Variants in ZDHHC14 observed in about 807,000 individuals in gnomAD.
The protein encoded by ZDHHC14 is zDHHC palmitoyltransferase 14.
Under a neutral mutation model 47.7 loss-of-function variants are expected in ZDHHC14, and 16 were observed. The observed-to-expected ratio is 0.34, with a 90% CI of 0.23 to 0.51. The LOEUF (loss-of-function observed/expected upper bound fraction) is 0.51, where lower values mean the gene tolerates loss of function less well. ZDHHC14 is among the 20% of genes least tolerant of loss of function. ZDHHC14 has a pLI of 0.97. For missense variants in ZDHHC14, 515 were observed against 662.5 expected, an observed-to-expected ratio of 0.78 and a Z score of 2.44; for synonymous variants, 293 against 278.9, an observed-to-expected ratio of 1.05 and a Z score of -0.50.
chr6:157,414,939 C>T (rs1265102467), intron 1 of ZDHHC14, among the ~76,000 whole-genome samples: 1 of 148,692 alleles, frequency 6.7e-6, no homozygotes, highest in Non-Finnish European at 1.5e-5. Context: ...AGAACATTTG[C>T]TTGGATCTTC....
intron 3 of ZDHHC14, among the ~76,000 whole-genome samples, chr6:157,625,187 T>C (rs1402403136): frequency 6.6e-6 from 1 of 152,024 alleles, no homozygotes; most frequent in Non-Finnish European, 1.5e-5. Context: ...ATTCAGACCA[T>C]AGCAGATGAT....
chr6:157,672,641 C>CCGG, intron 8 of ZDHHC14, 83 bp from the exon 9 acceptor site: 3 of 503,004 alleles, frequency 6.0e-6, no homozygotes, highest in Non-Finnish European at 1.0e-5. Context: ...CCTCCCCGCC[C>CCGG]GTGCCCTGTC....
At chr6:157,525,068 A>T (rs549036676) in intron 1 of ZDHHC14, among the ~76,000 whole-genome samples, 1 of 152,152 alleles carries the variant, frequency 6.6e-6, no homozygotes, top group East Asian at 1.9e-4. Context: ...CCCGGGGAGG[A>T]TTCTCCTCTC....
In ZDHHC14 at chr6:157,498,253, A is replaced by G. The variant is rs111953208; in HGVS notation, c.246-44332A>G. On this transcript the variant is annotated intron_variant, in intron 1 of 8. Transcript: ENST00000359775. ...GGAGTTCGAGACCAGCCTGGACAAC[A>G]TAGTGAGACCACATCTCAAAAAAAA... Among the ~76,000 whole-genome samples, 273 of 145,186 alleles carry G rather than the reference A, an allele frequency of 1.9e-3. 1 individual carries two copies. The highest frequency in any genetic ancestry group is 6.6e-3 in the African/African-American group (252 of 37,952).
intron 1 of ZDHHC14, among the ~76,000 whole-genome samples, chr6:157,433,046 G>T (rs1035589005): frequency 1.3e-5 from 2 of 152,240 alleles, no homozygotes; most frequent in Non-Finnish European, 2.9e-5. Context: ...GCATCTCACC[G>T]CCCAAGAGCG....
At chr6:157,473,211 A>G (rs1779394743) in intron 1 of ZDHHC14, among the ~76,000 whole-genome samples, 1 of 152,220 alleles carries the variant, frequency 6.6e-6, no homozygotes, top group African/African-American at 2.4e-5. Context: ...TTAAGAATAC[A>G]GTATATTGTT....
chr6:157,469,109 C>A (rs768204505), intron 1 of ZDHHC14, among the ~76,000 whole-genome samples: 11 of 152,224 alleles, frequency 7.2e-5, no homozygotes, highest in Admixed American at 6.5e-5. Context: ...TAGCCTACTG[C>A]AGCTGGGACA....
intron 1 of ZDHHC14, among the ~76,000 whole-genome samples, chr6:157,530,777 G>C (rs562007704): frequency 6.6e-6 from 1 of 152,070 alleles, no homozygotes; most frequent in Non-Finnish European, 1.5e-5. Flanking sequence ...TAGTGAGTTT[G>C]TGGGTGAAAT....
chr6:157,598,344 G>A (rs372076818), intron 3 of ZDHHC14, among the ~76,000 whole-genome samples: 7 of 152,102 alleles, frequency 4.6e-5, no homozygotes, highest in Admixed American at 2.6e-4. Flanking sequence ...GCTGAGATTC[G>A]TATCCTTGTT....
intron 2 of ZDHHC14, among the ~76,000 whole-genome samples, chr6:157,591,545 G>A (rs1783909229): frequency 1.3e-5 from 2 of 152,142 alleles, no homozygotes; most frequent in Admixed American, 6.5e-5. Flanking sequence ...GACCTCCCCA[G>A]CCCTACAGAA....
At position 157,381,998 on chromosome 6, in the gene ZDHHC14, G is replaced by T; in HGVS notation, c.-24G>T. 1 of 1,337,310 alleles carries T rather than the reference G, an allele frequency of 7.5e-7. No individual in the cohort carries two copies. The highest frequency in any genetic ancestry group is 9.6e-7 in the Non-Finnish European group (1 of 1,039,802). 82.8% of individuals were successfully genotyped at this position (1,337,310 alleles called of 1,614,324 possible). ...GGCCGGGGGGCTCCTGGGGGTGTGC[G>T]CCCCCAGCCGGCTGCCCTCGTGGAT... On this transcript the variant is annotated 5_prime_UTR_variant, in exon 1 of 9. Transcript: ENST00000359775.
intron 8 of ZDHHC14, among the ~76,000 whole-genome samples, chr6:157,670,645 TC>T (rs1341317426): frequency 1.3e-5 from 2 of 151,894 alleles, no homozygotes. Flanking sequence ...ATAACCCTAC[TC>T]CCCTCCCCTC....
intron 1 of ZDHHC14, among the ~76,000 whole-genome samples, chr6:157,398,818 G>A (rs555233127): frequency 2.0e-5 from 3 of 152,256 alleles, no homozygotes; most frequent in African/African-American, 7.2e-5. Context: ...CCTCTGAAAC[G>A]ATGGCTTATT....
chr6:157,619,932 A>G (rs1247928059), intron 3 of ZDHHC14, among the ~76,000 whole-genome samples: 1 of 152,218 alleles, frequency 6.6e-6, no homozygotes, highest in Non-Finnish European at 1.5e-5. Flanking sequence ...ATAATAGTTT[A>G]AGGACACAGA....
chr6:157,491,121 G>A (rs1005050684), intron 1 of ZDHHC14, among the ~76,000 whole-genome samples: 2 of 152,178 alleles, frequency 1.3e-5, no homozygotes, highest in African/African-American at 2.4e-5. Context: ...TTCTGACTGC[G>A]TCAGACAGTA....
intron 2 of ZDHHC14, among the ~76,000 whole-genome samples, chr6:157,584,947 G>A (rs1297137692): frequency 6.6e-5 from 10 of 152,174 alleles, no homozygotes; most frequent in Admixed American, 4.6e-4. Flanking sequence ...GCTCATGGCT[G>A]TAATCCCAGC....
chr6:157,443,282 T>A (rs1186236468), intron 1 of ZDHHC14, among the ~76,000 whole-genome samples: 1 of 152,218 alleles, frequency 6.6e-6, no homozygotes, highest in African/African-American at 2.4e-5. Context: ...CCAGCCATGC[T>A]GAACTGTGAG....
chr6:157,660,764 G>C (rs1233034726), intron 8 of ZDHHC14, among the ~76,000 whole-genome samples: 3 of 152,188 alleles, frequency 2.0e-5, no homozygotes, highest in Non-Finnish European at 4.4e-5. Context: ...CATCGACACA[G>C]CCTTCAAACT....
At chr6:157,464,421 C>A (rs988956498) in intron 1 of ZDHHC14, among the ~76,000 whole-genome samples, 3 of 152,142 alleles carry the variant, frequency 2.0e-5, no homozygotes, top group Admixed American at 6.5e-5. Context: ...TCATTCAGAC[C>A]AGGACTTATT....
Sources: allele counts gnomAD v4.1 joint callset (sites outside exome capture counted in the v4.1 genomes callset), GRCh38; gene constraint gnomAD v4.1.1; transcripts MANE v1.5; gene names NCBI Gene and HGNC (gene_info 2026-07-23, HGNC 2026-07-21).